MYO1H: variants seen among roughly 807,000 people sequenced by gnomAD.
MYO1H encodes the protein unconventional myosin-Ih.
In MYO1H, 118 loss-of-function variants were observed where a neutral mutation model predicts 149.3. The observed-to-expected ratio is 0.79, with a 90% CI of 0.68 to 0.92. MYO1H has a LOEUF of 0.92. Among genes scored for constraint, MYO1H ranks in the 40% least tolerant of loss-of-function variants. MYO1H has a pLI of 0.00. For synonymous variants in MYO1H, 447 were observed against 465.2 expected (o/e 0.96, Z 0.50); for missense variants, 1,212 against 1,280.7 (o/e 0.95, Z 0.82).
At chr12:109,379,245 G>A (rs1307320364) in intron 1 of MYO1H, among the ~76,000 whole-genome samples, 2 of 152,182 alleles carry the variant, frequency 1.3e-5, no homozygotes, top group Admixed American at 6.5e-5. Flanking sequence ...TGACTTAGGG[G>A]TTAGATCAGA....
chr12:109,412,464 A>T (rs531183360), intron 14 of MYO1H, among the ~76,000 whole-genome samples: 2 of 152,198 alleles, frequency 1.3e-5, no homozygotes, highest in East Asian at 3.9e-4. Context: ...AGACACAAGT[A>T]TGATTTTTTA....
At chr12:109,425,352 C>T (rs916881746) in intron 17 of MYO1H, among the ~76,000 whole-genome samples, 4 of 152,040 alleles carry the variant, frequency 2.6e-5, no homozygotes, top group Admixed American at 1.3e-4. Flanking sequence ...TCACTTGGAA[C>T]GTGGCTTATG....
rs60551691 is a variant in MYO1H, at chr12:109,396,814, G to GTTTTTTTT, written c.489+255_489+262dup. ...GACATTTGGTTTTTGTTTTGGTTTC[G>GTTTTTTTT]TTTTTTTTTTTTTTTTTTTTTTTTT... is the stretch of plus-strand genomic sequence containing the variant. On this transcript the variant is annotated intron_variant, in intron 4 of 31. Transcript: ENST00000310903. Among the ~76,000 whole-genome samples the GTTTTTTTT allele has an allele frequency of 1.8e-3, 94 of 51,076 alleles. 9 individuals carry two copies. The highest frequency in any genetic ancestry group is 2.2e-3 in the Non-Finnish European group (55 of 25,118). 33.5% of individuals were successfully genotyped at this position (51,076 alleles called of 152,430 possible).
chr12:109,317,109 CT>C, the MYO1H span, among the ~76,000 whole-genome samples: 1 of 152,118 alleles, frequency 6.6e-6, no homozygotes, highest in Admixed American at 6.6e-5. Flanking sequence ...TTAATCTGCC[CT>C]TGAGATGAAA....
chr12:109,318,994 T>TTTTTTG, the MYO1H span, among the ~76,000 whole-genome samples: 1 of 135,338 alleles, frequency 7.4e-6, no homozygotes. Flanking sequence ...TTTTTTTTTT[T>TTTTTTG]GCAACTTTTC....
In MYO1H at chr12:109,401,275, G is replaced by A. The variant is rs1330345876; in HGVS notation, c.750+3G>A. On this transcript the variant is annotated splice_donor_region_variant and intron_variant, in intron 6 of 31. Transcript: ENST00000310903. ...AGCTGTATAAATACCTCTCACAGGTGGGAAGGACCAGCACCTGGCTTTGGT... is the reference window on the plus strand; with the variant it reads ...AGCTGTATAAATACCTCTCACAGGTAGGAAGGACCAGCACCTGGCTTTGGT... 6.2e-7 allele frequency: 1 copy of A among 1,607,248 alleles called. No homozygotes were observed.
At chr12:109,425,641 AG>A (rs1335770119) in intron 17 of MYO1H, among the ~76,000 whole-genome samples, 1 of 152,238 alleles carries the variant, frequency 6.6e-6, no homozygotes. Flanking sequence ...GGAAGGTGGA[AG>A]AGAATGACAG....
At position 109,432,990 on chromosome 12, in the gene MYO1H, C is replaced by G. The variant is rs534505014; in HGVS notation, c.2043C>G (p.Pro681=). 13 of 1,613,950 alleles carry G rather than the reference C, an allele frequency of 8.1e-6. No individual in the cohort carries two copies. In the Admixed American group the frequency reaches 2.2e-4, roughly 27 times the overall value. Residue 681 remains proline (P), a synonymous_variant, in exon 20 of 32, where the codon CCC becomes CCG. Coordinates refer to ENST00000310903, the Ensembl canonical transcript of MYO1H. ...TGATCAAGTACATCGGCTACAAACC[C>G]GAGGAATACAAGTTAGGCAAGTAAG...
intron 10 of MYO1H, among the ~76,000 whole-genome samples, chr12:109,408,793 T>C (rs1393126779): frequency 6.6e-6 from 1 of 151,258 alleles, no homozygotes; most frequent in Non-Finnish European, 1.5e-5. Flanking sequence ...CATTATCTCT[T>C]TTTTATTTTT....
the MYO1H span, among the ~76,000 whole-genome samples, chr12:109,338,888 T>C: frequency 2.0e-5 from 3 of 152,172 alleles, no homozygotes; most frequent in African/African-American, 7.2e-5. Flanking sequence ...CCCTTATTTC[T>C]TGAAGTGAAT....
At position 109,396,814 on chromosome 12, in the gene MYO1H, G is replaced by GTTTTTTTTTTTTTTTTTTTTTTT. The variant is rs60551691; in HGVS notation, c.489+240_489+262dup. Among the ~76,000 whole-genome samples, 14 of 51,086 alleles carry GTTTTTTTTTTTTTTTTTTTTTTT rather than the reference G, an allele frequency of 2.7e-4. 3 individuals carry two copies. Among genetic ancestry groups the GTTTTTTTTTTTTTTTTTTTTTTT allele is most frequent in the African/African-American group, 8.8e-4 (14 of 15,872 alleles). 33.5% of individuals were successfully genotyped at this position (51,086 alleles called of 152,430 possible). ...GACATTTGGTTTTTGTTTTGGTTTC[G>GTTTTTTTTTTTTTTTTTTTTTTT]TTTTTTTTTTTTTTTTTTTTTTTTT... On this transcript the variant is annotated intron_variant, in intron 4 of 31. Transcript: ENST00000310903.
At chr12:109,379,477 G>A (rs1014058900) in intron 1 of MYO1H, among the ~76,000 whole-genome samples, 1 of 152,098 alleles carries the variant, frequency 6.6e-6, no homozygotes, top group East Asian at 1.9e-4. Context: ...ATCAGAGAGA[G>A]GCTAGTTATG....
the MYO1H span, among the ~76,000 whole-genome samples, chr12:109,342,125 T>A: frequency 8.7e-6 from 1 of 115,462 alleles, no homozygotes. Context: ...AAAATTTGAT[T>A]CTTTTTTTTT....
the MYO1H span, among the ~76,000 whole-genome samples, chr12:109,318,210 C>A: frequency 1.3e-5 from 2 of 152,124 alleles, no homozygotes; most frequent in Non-Finnish European, 2.9e-5. Context: ...GGAGAAGTAA[C>A]AAATATTTCT....
Position 109,432,837 on chromosome 12 carries a change from G to C in MYO1H, c.1950-60G>C, listed in dbSNP as rs1871691519. On this transcript the variant is annotated intron_variant, in intron 19 of 31. Transcript: ENST00000310903. ...TCAGCAGGCCTCTGGGGCCGGGGAT[G>C]TGGGGGAGGGCTAGAGGAAGGTACG... is the stretch of plus-strand genomic sequence containing the variant. 2.1e-6 allele frequency: 3 copies of C among 1,440,200 alleles called. No individual in the cohort carries two copies. In the Admixed American group the frequency reaches 5.0e-5, roughly 24 times the overall value. The allele number at this position is 1,440,200 out of a possible 1,614,324, so 89.2% of individuals were successfully genotyped here.
chr12:109,322,106 C>G, the MYO1H span, among the ~76,000 whole-genome samples: 1 of 151,952 alleles, frequency 6.6e-6, no homozygotes, highest in Admixed American at 6.6e-5. Context: ...TGAGCTGGCT[C>G]TCTTTATGGT....
At chr12:109,321,887 A>G in the MYO1H span, among the ~76,000 whole-genome samples, 19 of 152,320 alleles carry the variant, frequency 1.2e-4, no homozygotes, top group Non-Finnish European at 2.2e-4. Context: ...TTTGCAGAAC[A>G]CGATGTAATT....
At chr12:109,351,784 G>A (rs1269252524) in intron 1 of MYO1H, among the ~76,000 whole-genome samples, 1 of 152,244 alleles carries the variant, frequency 6.6e-6, no homozygotes, top group African/African-American at 2.4e-5. Flanking sequence ...CCGAAAACAC[G>A]GATTCTGGAG....
At chr12:109,419,101 C>T (rs1356744199) in intron 15 of MYO1H, among the ~76,000 whole-genome samples, 1 of 152,168 alleles carries the variant, frequency 6.6e-6, no homozygotes, top group African/African-American at 2.4e-5. Context: ...CTCAGTGTCT[C>T]CTTTGGGGGG....
Sources: allele counts gnomAD v4.1 joint callset (sites outside exome capture counted in the v4.1 genomes callset), GRCh38; gene constraint gnomAD v4.1.1; transcripts MANE v1.5; gene names NCBI Gene and HGNC (gene_info 2026-07-23, HGNC 2026-07-21).